CCDC33: variants seen among roughly 807,000 people sequenced by gnomAD.
CCDC33 encodes the protein coiled-coil domain containing 33.
A neutral mutation model predicts 91.9 loss-of-function variants in CCDC33; 94 were observed. The observed-to-expected ratio is 1.02, with a 90% confidence interval of 0.87 to 1.21. The LOEUF (loss-of-function observed/expected upper bound fraction) is 1.21. CCDC33 is among the 50% of genes most tolerant of loss of function. CCDC33 has a pLI of 0.00. For missense variants in CCDC33, 940 were observed against 935.5 expected (o/e 1.00, Z -0.06); for synonymous variants, 396 against 374.5 (o/e 1.06, Z -0.66).
At chr15:74,270,778 C>T (rs576455453) in intron 5 of CCDC33, among the ~76,000 whole-genome samples, 3 of 152,188 alleles carry the variant, frequency 2.0e-5, no homozygotes, top group African/African-American at 7.2e-5. Flanking sequence ...GTCCCCCAGG[C>T]CCAGACTGAG....
At chr15:74,319,354 C>A (rs542599203) in intron 11 of CCDC33, among the ~76,000 whole-genome samples, 27 of 152,300 alleles carry the variant, frequency 1.8e-4, no homozygotes, top group Admixed American at 6.5e-4. Context: ...GCTCTTCCCC[C>A]ACCCAATGTG....
chr15:74,292,006 G>C (rs144346806), intron 10 of CCDC33, among the ~76,000 whole-genome samples: 5 of 152,360 alleles, frequency 3.3e-5, no homozygotes, highest in Non-Finnish European at 5.9e-5. Context: ...GCATCTCTTT[G>C]AGCTTTCAAA....
chr15:74,252,465 G>C (rs1011111181), intron 2 of CCDC33, among the ~76,000 whole-genome samples: 1 of 152,218 alleles, frequency 6.6e-6, no homozygotes, highest in Admixed American at 6.5e-5. Flanking sequence ...GCCCTCACTT[G>C]CTGATGATGT....
intron 2 of CCDC33, among the ~76,000 whole-genome samples, chr15:74,256,685 T>G (rs1198902676): frequency 2.0e-5 from 3 of 152,186 alleles, no homozygotes; most frequent in Non-Finnish European, 4.4e-5. Context: ...ACAGCGGCCC[T>G]TCCTGACCCT....
chr15:74,207,642 A>G, intron 1 of CCDC33: 1 of 1,481,412 alleles, frequency 6.8e-7, no homozygotes, highest in African/African-American at 1.4e-5. Context: ...GATAGCACGG[A>G]AGAGAACACG....
chr15:74,311,024 AGGCT>A (rs1409041990), intron 11 of CCDC33, among the ~76,000 whole-genome samples: 1 of 152,134 alleles, frequency 6.6e-6, no homozygotes, highest in Non-Finnish European at 1.5e-5. Context: ...CTTGTGGCCT[AGGCT>A]GGAGGCAGGA....
intron 8 of CCDC33, 75 bp from the exon 9 acceptor site, chr15:74,280,593 C>G (rs1261860834): frequency 6.4e-6 from 9 of 1,408,942 alleles, no homozygotes; most frequent in Non-Finnish European, 8.4e-6. Context: ...GACAGGAGGA[C>G]TGGATGTCAG....
chr15:74,293,813 G>A (rs117242382), intron 10 of CCDC33, among the ~76,000 whole-genome samples: 2,276 of 152,228 alleles, frequency 0.015, 47 homozygotes, highest in East Asian at 0.085. Flanking sequence ...TCTCTTTGGC[G>A]TTGTCTATTT....
intron 11 of CCDC33, among the ~76,000 whole-genome samples, chr15:74,307,480 C>T (rs1339195291): frequency 6.6e-6 from 1 of 152,074 alleles, no homozygotes; most frequent in African/African-American, 2.4e-5. Context: ...CAGACAAGAC[C>T]GAGGGGGAGT....
chr15:74,213,130 C>T (rs351156), upstream of CCDC33: 63,664 of 151,762 alleles, frequency 0.42, 13,833 homozygotes, highest in South Asian at 0.64. Context: ...GCAGGAGAAT[C>T]GCTTCAACCT....
chr15:74,207,234 G>A (rs1050757942), intron 1 of CCDC33, among the ~76,000 whole-genome samples: 1 of 152,236 alleles, frequency 6.6e-6, no homozygotes, highest in Non-Finnish European at 1.5e-5. Flanking sequence ...CAGCAGGCCA[G>A]AAGGAATGGG....
intron 11 of CCDC33, among the ~76,000 whole-genome samples, chr15:74,310,022 G>A (rs1211002125): frequency 2.0e-5 from 3 of 152,088 alleles, no homozygotes; most frequent in African/African-American, 7.2e-5. Context: ...ATGGTGACAC[G>A]TGCCTGTAAT....
At chr15:74,240,153 G>T (rs1474075157) in intron 1 of CCDC33, among the ~76,000 whole-genome samples, 1 of 152,266 alleles carries the variant, frequency 6.6e-6, no homozygotes, top group Non-Finnish European at 1.5e-5. Context: ...CAGCCTGGCA[G>T]TTGGCCTCAT....
At chr15:74,331,345 C>CT in intron 15 of CCDC33, 49 bp downstream of exon 15, 1 of 1,578,028 alleles carries the variant, frequency 6.3e-7, no homozygotes, top group East Asian at 2.3e-5. Context: ...TGCTCCACCC[C>CT]TGGAGGCCCT....
intron 9 of CCDC33, among the ~76,000 whole-genome samples, chr15:74,281,264 G>A (rs1483856666): frequency 6.6e-6 from 1 of 152,216 alleles, no homozygotes; most frequent in Non-Finnish European, 1.5e-5. Flanking sequence ...GACTGTCTGG[G>A]TCCAAATTCT....
intron 1 of CCDC33, chr15:74,208,752 C>T (rs574031672): frequency 2.9e-5 from 29 of 988,602 alleles, no homozygotes; most frequent in Middle Eastern, 5.2e-4. Flanking sequence ...CGCTGTTCCC[C>T]GACCTGTTCC....
intron 11 of CCDC33, among the ~76,000 whole-genome samples, chr15:74,307,337 C>G (rs1342818823): frequency 6.6e-6 from 1 of 152,196 alleles, no homozygotes; most frequent in South Asian, 2.1e-4. Context: ...TCACTGAGCT[C>G]GTACTCTGTA....
chr15:74,203,778 C>A (rs2074184071), intron 1 of CCDC33, among the ~76,000 whole-genome samples: 1 of 152,244 alleles, frequency 6.6e-6, no homozygotes, highest in South Asian at 2.1e-4. Context: ...TGGTCTGTAC[C>A]ATGGGAAACC....
At chr15:74,265,320 C>G (rs2076137607) in intron 3 of CCDC33, among the ~76,000 whole-genome samples, 2 of 152,272 alleles carry the variant, frequency 1.3e-5, no homozygotes, top group South Asian at 2.1e-4. Context: ...TCCGCCCCAT[C>G]CTCCCTTTCC....
Sources: gnomAD v4.1 joint callset for allele counts (sites outside exome capture counted in the v4.1 genomes callset) on GRCh38, gnomAD v4.1.1 for gene constraint, MANE v1.5 for transcripts, NCBI Gene and HGNC (gene_info 2026-07-23, HGNC 2026-07-21) for gene names.